The following SETD2 variants were observed in gnomAD, a reference collection of about 807,000 sequenced individuals.
The protein encoded by SETD2 is SET domain containing 2, histone lysine methyltransferase, also known as histone-lysine N-methyltransferase SETD2.
A neutral mutation model predicts 242.1 loss-of-function variants in SETD2; 31 were observed. That is an observed-to-expected ratio of 0.13 (90% CI 0.10 to 0.17). The LOEUF (loss-of-function observed/expected upper bound fraction) is 0.17. Ranked by LOEUF, SETD2 falls within the 10% of genes least tolerant of loss-of-function variation. SETD2 has a pLI of 1.00. For synonymous variants in SETD2, 1,006 were observed against 1,066.5 expected (o/e 0.94, Z 1.11); for missense variants, 2,481 against 3,046.3 (o/e 0.81, Z 4.37).
rs576791622 is a variant in SETD2 at position 47,096,400 on chromosome 3, T to C, written c.5142+1555A>G. 3.9e-5 allele frequency among the ~76,000 whole-genome samples: 6 copies of C among 152,214 alleles called. No individual in the cohort carries two copies. The South Asian group carries it at 8.3e-4, about 21-fold the overall frequency. On this transcript the variant is annotated intron_variant, in intron 9 of 20. Coordinates refer to ENST00000409792, the MANE Select transcript of SETD2 (RefSeq NM_014159.7). Reference sequence around the variant, plus strand: ...GTGCTTGGCATAAAGTTACACTATATATGCTATCTAAAAAGAGGGCTGAAG... The same window carrying C: ...GTGCTTGGCATAAAGTTACACTATACATGCTATCTAAAAAGAGGGCTGAAG...
chr3:47,083,571 T>G, intron 12 of SETD2, 149 bp downstream of exon 12: 1 of 740,610 alleles, frequency 1.4e-6, no homozygotes, highest in Non-Finnish European at 2.2e-6. Context: ...AGAGGATGTT[T>G]GAGACACTTA....
At chr3:47,048,638 T>C (rs1381977107) in intron 15 of SETD2, among the ~76,000 whole-genome samples, 7 of 152,178 alleles carry the variant, frequency 4.6e-5, no homozygotes, top group Non-Finnish European at 1.0e-4. Context: ...TTTTTAACTC[T>C]TTTATAACAC....
chr3:47,089,010 C>T (rs1236825790), intron 9 of SETD2, among the ~76,000 whole-genome samples: 2 of 152,100 alleles, frequency 1.3e-5, no homozygotes, highest in Non-Finnish European at 2.9e-5. Flanking sequence ...CAAGTACAGC[C>T]AAATGCAACA....
chr3:47,051,192 C>T (rs2039828619), intron 15 of SETD2, among the ~76,000 whole-genome samples: 1 of 151,976 alleles, frequency 6.6e-6, no homozygotes, highest in African/African-American at 2.4e-5. Context: ...GCAGCCTTGA[C>T]CTCCTGGGCT....
At chr3:47,079,111 C>G (rs1339646083) in intron 12 of SETD2, among the ~76,000 whole-genome samples, 1 of 152,152 alleles carries the variant, frequency 6.6e-6, no homozygotes, top group African/African-American at 2.4e-5. Flanking sequence ...AGACTCGTCA[C>G]TAGAATGTGT....
At position 47,122,077 on chromosome 3, in the gene SETD2, C is replaced by T. The variant is rs2106668458; in HGVS notation, c.2559G>A (p.Lys853=). 6.2e-7 allele frequency: 1 copy of T among 1,613,926 alleles called. No homozygotes were observed. The highest frequency in any genetic ancestry group is 8.5e-7 in the Non-Finnish European group (1 of 1,179,980). ...CTGAACTAGTGCTACCGATGCTCTG[C>T]TTATATTCTTCACATGCAAATTTTG... ...DHSKFACEEY[K]QSIGSTSSAS... is the part of the protein sequence containing the mutation. Residue 853 remains lysine, a synonymous_variant, in exon 3 of 21, where the codon AAG becomes AAA. Coordinates refer to ENST00000409792, the MANE Select transcript of SETD2 (RefSeq NM_014159.7).
rs1451599825 is a variant in SETD2, at chr3:47,086,185, G to A, written c.5397+10C>T. The A allele has an allele frequency of 6.2e-7, 1 of 1,611,622 alleles. No homozygotes were observed. The highest frequency in any genetic ancestry group is 8.5e-7 in the Non-Finnish European group (1 of 1,178,362). The stretch of plus-strand genomic sequence containing the variant: ...GTTTTAAGAAACAAGCAAGCTAAAT[G>A]TGAACTGACCTCTTCCTGAAGCTTC... On this transcript the variant is annotated intron_variant, in intron 11 of 20. Transcript: ENST00000409792.
chr3:47,111,102 AAAAAAAAAAT>A (rs1204640357), intron 5 of SETD2, among the ~76,000 whole-genome samples: 1 of 148,598 alleles, frequency 6.7e-6, no homozygotes, highest in African/African-American at 2.5e-5. Context: ...AAAAAAAAAA[AAAAAAAAAAT>A]CTCAAGAAGG....
In SETD2 at chr3:47,120,836, G is replaced by A. The variant is rs762731738; in HGVS notation, c.3800C>T (p.Pro1267Leu). The A allele has an allele frequency of 8.7e-6, 14 of 1,614,198 alleles. 1 individual carries two copies. In the South Asian group the frequency reaches 1.2e-4, roughly 14 times the overall value. ...NLGWDFSQEK[P>L]STTYQQPDSS... The stretch of plus-strand genomic sequence containing the variant: ...GTCAGGTTGCTGATACGTGGTAGAA[G>A]GCTTTTCTTGAGAGAAGTCCCAACC... Residue 1267 changes from proline (P) to leucine (L), a missense_variant, in exon 3 of 21, where the codon CCT (proline) becomes CTT (leucine). By Grantham distance (98) the Pro-to-Leu change is moderately conservative. Transcript: ENST00000409792.
chr3:47,073,824 C>T lies in SETD2; in HGVS notation c.6061-6706G>A, dbSNP rs142676950. 4.8e-3 allele frequency among the ~76,000 whole-genome samples: 731 copies of T among 152,260 alleles called. 4 individuals are homozygous for T. The highest frequency in any genetic ancestry group is 7.8e-3 in the Non-Finnish European group (533 of 68,028). ...GCCTATCAGTCTGACCAAGATAAAA[C>T]TTGACAGTACTTGTGCTGGCCAGGG... is the stretch of plus-strand genomic sequence containing the variant. On this transcript the variant is annotated intron_variant, in intron 12 of 20. Transcript: ENST00000409792.
chr3:47,082,064 ATG>A (rs1406259391), intron 12 of SETD2, among the ~76,000 whole-genome samples: 1 of 152,230 alleles, frequency 6.6e-6, no homozygotes, highest in Non-Finnish European at 1.5e-5. Context: ...TAGGACTCAA[ATG>A]TGTGTCCAGA....
intron 16 of SETD2, among the ~76,000 whole-genome samples, chr3:47,045,710 C>G (rs1205772081): frequency 6.9e-6 from 1 of 145,948 alleles, no homozygotes; most frequent in African/African-American, 2.5e-5. Flanking sequence ...ATTATTACTT[C>G]AAAAATTCAT....
chr3:47,156,075 T>C (rs541831243), intron 1 of SETD2, among the ~76,000 whole-genome samples: 1 of 152,242 alleles, frequency 6.6e-6, no homozygotes, highest in East Asian at 1.9e-4. Context: ...TTAACCAGGA[T>C]AGGTTCAGAG....
chr3:47,117,287 A>AAAACAAAAC (rs1559737631), intron 3 of SETD2, among the ~76,000 whole-genome samples: 1 of 145,408 alleles, frequency 6.9e-6, no homozygotes, highest in Non-Finnish European at 1.5e-5. Context: ...AAAACAAACA[A>AAAACAAAAC]AAAAAAAAAC....
rs748175674 is a variant in SETD2 at position 47,121,112 on chromosome 3, T to C, written c.3524A>G (p.Asp1175Gly). Residue 1175 changes from aspartate to glycine, a missense_variant, in exon 3 of 21, where the codon GAT (aspartate) becomes GGT (glycine). This residue lies in a region of SETD2 where 1,300 missense variants were observed against 1,259.2 expected (regional missense o/e 1.03). Transcript: ENST00000409792. Reference protein sequence around the residue: ...SDGVDSTSHTDVKSDPLGHPN... With the variant: ...SDGVDSTSHTGVKSDPLGHPN... ...GTGACCCAGAGGGTCAGATTTCACA[T>C]CTGTATGACTTGTACTATCAACCCC... 2.5e-6 allele frequency: 4 copies of C among 1,614,098 alleles called. No homozygotes were observed. The highest frequency in any genetic ancestry group is 3.4e-6 in the Non-Finnish European group (4 of 1,179,992).
chr3:47,052,481 T>C (rs1008935433), intron 15 of SETD2, among the ~76,000 whole-genome samples: 1 of 152,020 alleles, frequency 6.6e-6, no homozygotes, highest in Non-Finnish European at 1.5e-5. Context: ...CTGAAAAACC[T>C]GTATCACATT....
intron 16 of SETD2, among the ~76,000 whole-genome samples, chr3:47,045,519 TA>T (rs902155233): frequency 0.068 from 6,831 of 100,972 alleles, 412 homozygotes; most frequent in African/African-American, 0.15. Context: ...CTCCATCTCT[TA>T]AAAAAAAAAA....
rs150523635 is a variant in SETD2 at position 47,155,329 on chromosome 3, G to C, written c.71+8525C>G. On this transcript the variant is annotated intron_variant, in intron 1 of 20. Coordinates refer to ENST00000409792, the MANE Select transcript of SETD2 (RefSeq NM_014159.7). ...CACTATCAGATATTTAGGAAAGAAA[G>C]ATCATGATGCCTGCAATTTACTCTC... is the stretch of plus-strand genomic sequence containing the variant. 4.7e-3 allele frequency among the ~76,000 whole-genome samples: 720 copies of C among 152,280 alleles called. 9 individuals are homozygous for C. The highest frequency in any genetic ancestry group is 0.017 in the African/African-American group (699 of 41,570).
At chr3:47,118,771 T>C (rs1003858670) in intron 3 of SETD2, among the ~76,000 whole-genome samples, 1 of 152,036 alleles carries the variant, frequency 6.6e-6, no homozygotes, top group Non-Finnish European at 1.5e-5. Flanking sequence ...GTTTTATATA[T>C]ATATATCTGA....
Sources: allele counts gnomAD v4.1 joint callset (sites outside exome capture counted in the v4.1 genomes callset), GRCh38; gene constraint gnomAD v4.1.1; regional missense constraint gnomAD v4.1.1; transcripts MANE v1.5; gene names NCBI Gene and HGNC (gene_info 2026-07-23, HGNC 2026-07-21).